The following GRIP1 variants were observed in gnomAD, a reference collection of about 807,000 sequenced individuals.
The protein encoded by GRIP1 is glutamate receptor-interacting protein 1.
A neutral mutation model predicts 129.9 loss-of-function variants in GRIP1; 45 were observed. The ratio of observed to expected loss-of-function variants is 0.35; its 90% CI spans 0.27 to 0.44. The LOEUF (loss-of-function observed/expected upper bound fraction) is 0.44. GRIP1 is among the 20% of genes least tolerant of loss of function. The pLI is 1.00. For missense variants in GRIP1, 1,196 were observed against 1,396.8 expected (o/e 0.86, Z 2.29); for synonymous variants, 530 against 520.8 (o/e 1.02, Z -0.24).
intron 1 of GRIP1, among the ~76,000 whole-genome samples, chr12:66,736,221 A>G (rs1282440667): frequency 6.6e-6 from 1 of 151,964 alleles, no homozygotes; most frequent in Non-Finnish European, 1.5e-5. Flanking sequence ...GCTGGAATAC[A>G]GTGGCACCAT....
At chr12:66,523,714 A>G (rs1315538891) in intron 5 of GRIP1, among the ~76,000 whole-genome samples, 2 of 152,224 alleles carry the variant, frequency 1.3e-5, no homozygotes, top group East Asian at 1.9e-4. Context: ...AAAAGCTCCA[A>G]TTAGAAGACA....
At chr12:66,820,582 T>G (rs891296813) in intron 1 of GRIP1, among the ~76,000 whole-genome samples, 1 of 152,164 alleles carries the variant, frequency 6.6e-6, no homozygotes, top group African/African-American at 2.4e-5. Flanking sequence ...TGTTCATAAT[T>G]GCCAAAATTT....
At chr12:66,412,603 T>A (rs959471183) in intron 15 of GRIP1, among the ~76,000 whole-genome samples, 1 of 152,166 alleles carries the variant, frequency 6.6e-6, no homozygotes, top group Non-Finnish European at 1.5e-5. Context: ...ACTAGCATCA[T>A]GATGACATGA....
chr12:66,752,535 A>C (rs2037161380), intron 1 of GRIP1, among the ~76,000 whole-genome samples: 1 of 152,172 alleles, frequency 6.6e-6, no homozygotes, highest in Admixed American at 6.6e-5. Context: ...TGTTCTCACT[A>C]TTATATCCAA....
intron 1 of GRIP1, among the ~76,000 whole-genome samples, chr12:66,979,236 A>AAAAAAAAAC (rs2042204257): frequency 1.4e-5 from 2 of 142,568 alleles, no homozygotes; most frequent in East Asian, 4.0e-4. Context: ...AAAAAAAAAA[A>AAAAAAAAAC]AAAAAAAAAA....
intron 1 of GRIP1, among the ~76,000 whole-genome samples, chr12:66,838,242 T>G (rs2039653386): frequency 6.6e-6 from 1 of 151,450 alleles, no homozygotes; most frequent in Admixed American, 6.6e-5. Context: ...AGGCAATGAG[T>G]TTATTCTTTC....
intron 1 of GRIP1, among the ~76,000 whole-genome samples, chr12:66,658,827 G>T (rs575572629): frequency 2.0e-5 from 3 of 151,994 alleles, no homozygotes; most frequent in African/African-American, 7.2e-5. Flanking sequence ...GGGAGGCTGA[G>T]GGGGGAAGAT....
At chr12:66,783,336 A>G (rs527592067) in intron 1 of GRIP1, among the ~76,000 whole-genome samples, 4 of 152,198 alleles carry the variant, frequency 2.6e-5, no homozygotes, top group Non-Finnish European at 5.9e-5. Flanking sequence ...GCCTGGCCAC[A>G]TTGTTTCTTG....
chr12:66,865,633 A>C (rs903978298), intron 1 of GRIP1, among the ~76,000 whole-genome samples: 9 of 151,792 alleles, frequency 5.9e-5, no homozygotes, highest in African/African-American at 2.2e-4. Context: ...CCAACCATCC[A>C]TCCACCCACC....
intron 1 of GRIP1, among the ~76,000 whole-genome samples, chr12:66,769,949 GT>G (rs2037765695): frequency 6.6e-6 from 1 of 152,152 alleles, no homozygotes; most frequent in Non-Finnish European, 1.5e-5. Context: ...TTAGTAACTT[GT>G]TTGAAGGACA....
At chr12:66,556,462 G>A (rs542802995) in intron 2 of GRIP1, among the ~76,000 whole-genome samples, 67 of 152,148 alleles carry the variant, frequency 4.4e-4, no homozygotes, top group African/African-American at 1.5e-3. Context: ...AAGGATGTTA[G>A]TGAGCAATAA....
At chr12:66,961,141 C>T (rs1042091179) in intron 1 of GRIP1, among the ~76,000 whole-genome samples, 4 of 152,000 alleles carry the variant, frequency 2.6e-5, no homozygotes, top group African/African-American at 9.7e-5. Context: ...AAACTCTGAA[C>T]CAGCATATAC....
intron 1 of GRIP1, among the ~76,000 whole-genome samples, chr12:66,925,849 G>A (rs953831355): frequency 1.3e-5 from 2 of 152,084 alleles, no homozygotes; most frequent in East Asian, 1.9e-4. Flanking sequence ...TCTCCAAGTT[G>A]GTCAGGCTGG....
At chr12:66,818,319 T>C (rs2039259993) in intron 1 of GRIP1, among the ~76,000 whole-genome samples, 1 of 152,204 alleles carries the variant, frequency 6.6e-6, no homozygotes, top group Admixed American at 6.5e-5. Context: ...GCTGCCAAGT[T>C]CATAATGGTA....
intron 1 of GRIP1, among the ~76,000 whole-genome samples, chr12:66,887,514 A>G (rs1342709417): frequency 6.6e-6 from 1 of 152,210 alleles, no homozygotes; most frequent in Non-Finnish European, 1.5e-5. Context: ...TTCTAGTGAC[A>G]TAATCATAAA....
At chr12:66,971,090 A>T (rs1478464860) in intron 1 of GRIP1, among the ~76,000 whole-genome samples, 1 of 152,142 alleles carries the variant, frequency 6.6e-6, no homozygotes, top group East Asian at 1.9e-4. Context: ...CTCTCAAGCT[A>T]GTCAACACTT....
At chr12:66,726,596 G>C (rs1383109) in intron 1 of GRIP1, among the ~76,000 whole-genome samples, 105,311 of 152,060 alleles carry the variant, frequency 0.69, 36,599 homozygotes, top group African/African-American at 0.74. Context: ...TTTTTAAAAG[G>C]TTAAGCACCT....
intron 1 of GRIP1, among the ~76,000 whole-genome samples, chr12:66,835,743 G>A (rs1370935327): frequency 6.6e-6 from 1 of 152,198 alleles, no homozygotes; most frequent in Non-Finnish European, 1.5e-5. Context: ...GTTGGGTGTT[G>A]GGGAATGGAC....
intron 1 of GRIP1, among the ~76,000 whole-genome samples, chr12:66,896,677 T>C (rs146864210): frequency 6.6e-6 from 1 of 152,138 alleles, no homozygotes; most frequent in African/African-American, 2.4e-5. Flanking sequence ...TAAAGAAAGA[T>C]GTGAAGGGGT....
Sources: gnomAD v4.1 joint callset for allele counts (sites outside exome capture counted in the v4.1 genomes callset) on GRCh38, gnomAD v4.1.1 for gene constraint, MANE v1.5 for transcripts, NCBI Gene and HGNC (gene_info 2026-07-23, HGNC 2026-07-21) for gene names.